HSD17B3: variants seen among roughly 807,000 people sequenced by gnomAD.
HSD17B3 encodes hydroxysteroid 17-beta dehydrogenase 3, also known as 17-beta-hydroxysteroid dehydrogenase type 3.
In HSD17B3, 29 loss-of-function variants were observed where a neutral mutation model predicts 41.1. That is an observed-to-expected ratio of 0.71 (90% CI 0.53 to 0.96). The LOEUF (loss-of-function observed/expected upper bound fraction) is 0.96, where lower values mean the gene tolerates loss of function less well. HSD17B3 is among the 40% of genes least tolerant of loss of function. HSD17B3 has a pLI of 0.00. For synonymous variants in HSD17B3, 126 were observed against 145.6 expected, an observed-to-expected ratio of 0.87 and a Z score of 0.97; for missense variants, 323 against 374.6, an observed-to-expected ratio of 0.86 and a Z score of 1.14.
chr9:96,299,819 T>A (rs754679248), intron 1 of HSD17B3, among the ~76,000 whole-genome samples: 9 of 152,142 alleles, frequency 5.9e-5, no homozygotes, highest in Non-Finnish European at 1.3e-4. Flanking sequence ...ATCTGAGGAA[T>A]TAAAAATTTA....
At chr9:96,272,926 G>A (rs1036795541) in intron 2 of HSD17B3, among the ~76,000 whole-genome samples, 1 of 152,118 alleles carries the variant, frequency 6.6e-6, no homozygotes, top group Admixed American at 6.5e-5. Flanking sequence ...TGAATCTCCA[G>A]AAAATTATGC....
chr9:96,293,187 G>T (rs867701621), intron 2 of HSD17B3, among the ~76,000 whole-genome samples: 1 of 152,174 alleles, frequency 6.6e-6, no homozygotes. Context: ...ACTTGACTAG[G>T]TCATGATACC....
chr9:96,238,646 C>T (rs950540520), intron 10 of HSD17B3, among the ~76,000 whole-genome samples: 43 of 151,798 alleles, frequency 2.8e-4, no homozygotes, highest in Non-Finnish European at 2.2e-4. Flanking sequence ...CGGGCAACAG[C>T]GAGACTCCAT....
At position 96,235,598 on chromosome 9, in the gene HSD17B3, G is replaced by A. The variant is rs748721738; in HGVS notation, c.823-28C>T. ...TAAACAGAGAGAAGCATCAGTGTTG[G>A]GGAGGAAGGAATAACAAGTACCTCA... is the stretch of plus-strand genomic sequence containing the variant. On this transcript the variant is annotated intron_variant, in intron 10 of 10. Transcript: ENST00000375263. The A allele has an allele frequency of 1.6e-5, 25 of 1,574,838 alleles. No individual in the cohort carries two copies. The South Asian group carries it at 2.7e-4, about 17-fold the overall frequency.
chr9:96,300,778 C>G (rs1827567576), intron 1 of HSD17B3, among the ~76,000 whole-genome samples: 1 of 152,098 alleles, frequency 6.6e-6, no homozygotes, highest in South Asian at 2.1e-4. Flanking sequence ...GTAGATAAAT[C>G]CCATGGGGAG....
chr9:96,279,877 C>T (rs1242284995), intron 2 of HSD17B3, among the ~76,000 whole-genome samples: 1 of 152,024 alleles, frequency 6.6e-6, no homozygotes, highest in Non-Finnish European at 1.5e-5. Flanking sequence ...TCACGCCATT[C>T]TCCTGCCTCA....
intron 2 of HSD17B3, among the ~76,000 whole-genome samples, chr9:96,291,959 A>G (rs921923195): frequency 3.3e-5 from 5 of 152,200 alleles, no homozygotes; most frequent in Non-Finnish European, 7.3e-5. Context: ...ACCATCTCAA[A>G]AAAAGAAAAA....
intron 2 of HSD17B3, among the ~76,000 whole-genome samples, chr9:96,264,573 A>C (rs1825984715): frequency 6.6e-6 from 1 of 152,138 alleles, no homozygotes. Flanking sequence ...GGGTTTTGCC[A>C]TGTTGGCCAG....
rs183009886 is a variant in HSD17B3 at position 96,279,001 on chromosome 9, G to A, written c.201+19415C>T. Among the ~76,000 whole-genome samples the A allele has an allele frequency of 2.5e-4, 38 of 152,286 alleles. 1 individual carries two copies. The East Asian group carries it at 7.0e-3, about 28-fold the overall frequency. On this transcript the variant is annotated intron_variant, in intron 2 of 10. Coordinates refer to ENST00000375263, the MANE Select transcript of HSD17B3 (RefSeq NM_000197.2). ...TCCCCGGTAGATAAAATATTCTAAG[G>A]GGTGGATACAGTCAACCTTCTAGCT...
intron 2 of HSD17B3, among the ~76,000 whole-genome samples, chr9:96,288,677 G>A (rs532384920): frequency 2.4e-4 from 37 of 151,936 alleles, no homozygotes; most frequent in African/African-American, 7.2e-4. Flanking sequence ...TGGCTCATGC[G>A]TGTAATCCCA....
At chr9:96,289,119 C>A (rs1384530335) in intron 2 of HSD17B3, among the ~76,000 whole-genome samples, 2 of 132,136 alleles carry the variant, frequency 1.5e-5, no homozygotes, top group African/African-American at 2.8e-5. Context: ...TAAAAAAAAA[C>A]AAAAACAGAA....
At chr9:96,257,149 AGCC>A (rs1224079877) in intron 2 of HSD17B3, among the ~76,000 whole-genome samples, 1 of 152,142 alleles carries the variant, frequency 6.6e-6, no homozygotes, top group Non-Finnish European at 1.5e-5. Flanking sequence ...CAGAACTGTG[AGCC>A]AATTAAACCT....
intron 1 of HSD17B3, among the ~76,000 whole-genome samples, chr9:96,300,141 G>C (rs1564068222): frequency 6.7e-6 from 1 of 149,568 alleles, no homozygotes; most frequent in East Asian, 2.0e-4. Flanking sequence ...TTTAAATCCA[G>C]AACACTCAGG....
intron 2 of HSD17B3, among the ~76,000 whole-genome samples, chr9:96,255,458 C>T (rs981238636): frequency 1.4e-5 from 2 of 140,464 alleles, no homozygotes; most frequent in African/African-American, 2.6e-5. Context: ...GGTGTAATCT[C>T]GGCCCACTGC....
chr9:96,280,818 CA>C (rs966299618), intron 2 of HSD17B3, among the ~76,000 whole-genome samples: 4 of 152,114 alleles, frequency 2.6e-5, no homozygotes, highest in African/African-American at 9.7e-5. Context: ...TAAAACCCAC[CA>C]AAACCAATAT....
At chr9:96,259,678 G>A (rs1244660343) in intron 2 of HSD17B3, among the ~76,000 whole-genome samples, 2 of 151,538 alleles carry the variant, frequency 1.3e-5, no homozygotes, top group Non-Finnish European at 2.9e-5. Flanking sequence ...CCGAGATCAC[G>A]CCATTGCACT....
At chr9:96,280,241 C>T (rs374711412) in intron 2 of HSD17B3, among the ~76,000 whole-genome samples, 6 of 152,172 alleles carry the variant, frequency 3.9e-5, no homozygotes, top group African/African-American at 1.2e-4. Context: ...GGGGTCCATT[C>T]GATTGGTTGG....
At chr9:96,275,519 G>T (rs747909898) in intron 2 of HSD17B3, among the ~76,000 whole-genome samples, 12 of 151,982 alleles carry the variant, frequency 7.9e-5, no homozygotes, top group Non-Finnish European at 1.6e-4. Context: ...AGTGGAGGTT[G>T]CAGTGAGCCA....
intron 10 of HSD17B3, among the ~76,000 whole-genome samples, 164 bp downstream of exon 10, chr9:96,240,594 C>T (rs1037106945): frequency 1.3e-5 from 2 of 152,116 alleles, no homozygotes; most frequent in African/African-American, 2.4e-5. Context: ...TGGCTGAGCT[C>T]CCAGGCTCCG....
Sources: allele counts gnomAD v4.1 joint callset (sites outside exome capture counted in the v4.1 genomes callset), GRCh38; gene constraint gnomAD v4.1.1; transcripts MANE v1.5; gene names NCBI Gene and HGNC (gene_info 2026-07-23, HGNC 2026-07-21).